Variants in DENND1A observed in about 807,000 individuals in gnomAD.
DENND1A encodes DENN domain containing 1A.
In DENND1A, 51 loss-of-function variants were observed where a neutral mutation model predicts 113.7. The ratio of observed to expected loss-of-function variants is 0.45; its 90% CI spans 0.36 to 0.57. The LOEUF is 0.57. Ranked by LOEUF, DENND1A falls within the 20% of genes least tolerant of loss-of-function variation. The pLI is 0.00. For missense variants in DENND1A, 1,258 were observed against 1,395.9 expected, an observed-to-expected ratio of 0.90 and a Z score of 1.57; for synonymous variants, 565 against 570.8, an observed-to-expected ratio of 0.99 and a Z score of 0.14.
chr9:123,590,577 G>A (rs1446223637), intron 11 of DENND1A, among the ~76,000 whole-genome samples: 3 of 152,186 alleles, frequency 2.0e-5, no homozygotes, highest in Non-Finnish European at 2.9e-5. Flanking sequence ...TTGGAGTAGT[G>A]CCTGGCACAT....
At chr9:123,729,776 AC>A (rs1325649238) in intron 5 of DENND1A, among the ~76,000 whole-genome samples, 6 of 152,188 alleles carry the variant, frequency 3.9e-5, no homozygotes, top group Non-Finnish European at 4.4e-5. Context: ...TTCACATGGA[AC>A]CAAAAAAGAG....
intron 5 of DENND1A, among the ~76,000 whole-genome samples, chr9:123,727,849 G>A (rs1372441330): frequency 2.0e-5 from 3 of 152,176 alleles, no homozygotes; most frequent in Non-Finnish European, 2.9e-5. Context: ...GCTCATGCCT[G>A]TAATCCCAGC....
At chr9:123,735,380 A>T (rs540966229) in intron 5 of DENND1A, among the ~76,000 whole-genome samples, 3 of 152,254 alleles carry the variant, frequency 2.0e-5, no homozygotes, top group African/African-American at 7.2e-5. Context: ...AAGTTGCAAG[A>T]TGTTAGGTAA....
At chr9:123,463,572 G>GA (rs2048703958) in intron 13 of DENND1A, among the ~76,000 whole-genome samples, 1 of 152,016 alleles carries the variant, frequency 6.6e-6, no homozygotes, top group South Asian at 2.1e-4. Context: ...ATGAGAAATG[G>GA]AAAGAATCTC....
Position 123,381,825 on chromosome 9 carries a change from G to C in DENND1A, c.2820C>G (p.Ala940=). 1 of 1,507,328 alleles carries C rather than the reference G, an allele frequency of 6.6e-7. No homozygotes were observed. Among genetic ancestry groups the C allele is most frequent in the South Asian group, 1.3e-5 (1 of 76,938 alleles). The allele number at this position is 1,507,328 out of a possible 1,614,324, so 93.4% of individuals were successfully genotyped here. A position where few individuals can be genotyped will look rare whatever the true frequency, so the allele number is the denominator to read the frequency against. The change falls in exon 24 of 24, where the codon GCC becomes GCG. Residue 940 remains alanine, a synonymous_variant. Coordinates refer to ENST00000394215, the MANE Select transcript of DENND1A (RefSeq NM_001352964.2). The surrounding 1 kb of genome is among the most constrained non-coding windows in gnomAD (Gnocchi z 4.7). ...GLLLSSAGFC[A]PHRSQPNLSA... ...AGAGGTTGGGCTGAGACCTGTGAGGGGCACAGAAGCCAGCACTGGACAGCA... is the reference window on the plus strand; with the variant it reads ...AGAGGTTGGGCTGAGACCTGTGAGGCGCACAGAAGCCAGCACTGGACAGCA...
rs192552172 is a variant in DENND1A at position 123,677,939 on chromosome 9, G to A, written c.303-1150C>T. ...CCCCTCACTCCTCTCACTCCGGAAC[G>A]TCCTGGTATCTTTGAGCCTGCCTGG... On this transcript the variant is annotated intron_variant, in intron 5 of 23. Coordinates refer to ENST00000394215, the MANE Select transcript of DENND1A (RefSeq NM_001352964.2). 2.1e-4 allele frequency among the ~76,000 whole-genome samples: 32 copies of A among 152,124 alleles called. No individual in the cohort carries two copies. In the East Asian group the frequency reaches 5.0e-3, roughly 24 times the overall value.
intron 5 of DENND1A, among the ~76,000 whole-genome samples, chr9:123,738,770 G>C (rs2068765789): frequency 6.6e-6 from 1 of 152,092 alleles, no homozygotes; most frequent in Non-Finnish European, 1.5e-5. Context: ...TAATTCACTG[G>C]GTTGCCTGGG....
intron 18 of DENND1A, among the ~76,000 whole-genome samples, chr9:123,441,021 T>G (rs2046894387): frequency 1.3e-5 from 2 of 152,244 alleles, no homozygotes; most frequent in Admixed American, 1.3e-4. Context: ...TTTTAAACAT[T>G]CAAAATGCCA....
chr9:123,734,332 A>G (rs190021255), intron 5 of DENND1A, among the ~76,000 whole-genome samples: 4 of 152,322 alleles, frequency 2.6e-5, no homozygotes, highest in Admixed American at 6.5e-5. Context: ...ATGACTACTC[A>G]TTTACATAAT....
At chr9:123,799,036 T>A (rs1464619191) in intron 2 of DENND1A, among the ~76,000 whole-genome samples, 1 of 152,188 alleles carries the variant, frequency 6.6e-6, no homozygotes, top group Non-Finnish European at 1.5e-5. Context: ...TATGAATAAT[T>A]ACTTTATACT....
chr9:123,765,316 A>G (rs1438043220), intron 4 of DENND1A, among the ~76,000 whole-genome samples: 1 of 152,156 alleles, frequency 6.6e-6, no homozygotes, highest in African/African-American at 2.4e-5. Context: ...TATCAAGCCT[A>G]TCTGAGCCTC....
chr9:123,454,849 CTTTTTTT>C lies in DENND1A; in HGVS notation c.1187-77_1187-71del. 7 of 1,019,660 alleles carry C rather than the reference CTTTTTTT, an allele frequency of 6.9e-6. 1 individual carries two copies. In the South Asian group the frequency reaches 7.5e-5, roughly 11 times the overall value. 63.2% of individuals were successfully genotyped at this position (1,019,660 alleles called of 1,614,324 possible). A position where few individuals can be genotyped will look rare whatever the true frequency, so the allele number is the denominator to read the frequency against. On this transcript the variant is annotated intron_variant, in intron 15 of 23. Transcript: ENST00000394215. Reference sequence around the variant, plus strand: ...TTGTCCTTGGGAGTCCTTAAAATTGCTTTTTTTTTTTTTTTTGAGATGGAGTCTCACG... The same window carrying C: ...TTGTCCTTGGGAGTCCTTAAAATTGCTTTTTTTTTGAGATGGAGTCTCACG...
chr9:123,729,707 C>T (rs1311830324), intron 5 of DENND1A, among the ~76,000 whole-genome samples: 1 of 152,160 alleles, frequency 6.6e-6, no homozygotes, highest in East Asian at 1.9e-4. Context: ...AGATTTAATG[C>T]TATCCCTATC....
chr9:123,585,446 G>A (rs1265061695), intron 11 of DENND1A, among the ~76,000 whole-genome samples: 1 of 152,144 alleles, frequency 6.6e-6, no homozygotes, highest in Non-Finnish European at 1.5e-5. Context: ...ATGTACTTTT[G>A]CACCAACCTA....
intron 2 of DENND1A, among the ~76,000 whole-genome samples, chr9:123,848,228 TAAAAA>T (rs375535777): frequency 1.2e-3 from 74 of 60,514 alleles, no homozygotes; most frequent in Admixed American, 2.6e-3. Context: ...GATACTGCTT[TAAAAA>T]AAAAAAAAAA....
At chr9:123,911,225 T>A (rs796756973) in intron 1 of DENND1A, among the ~76,000 whole-genome samples, 2 of 152,210 alleles carry the variant, frequency 1.3e-5, no homozygotes, top group African/African-American at 4.8e-5. Context: ...CACAATGAGC[T>A]ACGAAAACAT....
intron 11 of DENND1A, among the ~76,000 whole-genome samples, chr9:123,607,966 C>A (rs779484946): frequency 6.6e-6 from 1 of 152,110 alleles, no homozygotes; most frequent in Non-Finnish European, 1.5e-5. Context: ...TTGGCACTAA[C>A]GGTCCATTGG....
chr9:123,790,827 G>A (rs540322421), intron 3 of DENND1A, among the ~76,000 whole-genome samples: 2 of 152,002 alleles, frequency 1.3e-5, no homozygotes, highest in Non-Finnish European at 2.9e-5. Context: ...CTCCTTAAAC[G>A]CACAAACTTC....
intron 2 of DENND1A, among the ~76,000 whole-genome samples, chr9:123,794,677 T>C (rs1465036351): frequency 6.6e-6 from 1 of 152,186 alleles, no homozygotes; most frequent in African/African-American, 2.4e-5. Flanking sequence ...TCTTCAATTT[T>C]TAAAAATACC....
Sources: allele counts gnomAD v4.1 joint callset (sites outside exome capture counted in the v4.1 genomes callset), GRCh38; gene constraint gnomAD v4.1.1; non-coding constraint Gnocchi (gnomAD v3.1); transcripts MANE v1.5; gene names NCBI Gene and HGNC (gene_info 2026-07-23, HGNC 2026-07-21).